The following CEP295 variants were observed in gnomAD, a reference collection of about 807,000 sequenced individuals.
CEP295 encodes the protein centrosomal protein of 295 kDa.
Under a neutral mutation model 291.6 loss-of-function variants are expected in CEP295, and 190 were observed. The observed-to-expected ratio is 0.65, with a 90% confidence interval of 0.58 to 0.73. CEP295 has a LOEUF of 0.73. Among genes scored for constraint, CEP295 ranks in the 30% least tolerant of loss-of-function variants. The pLI is 0.00. For synonymous variants in CEP295, 993 were observed against 1,038.8 expected (o/e 0.96, Z 0.85); for missense variants, 2,863 against 2,949.4 (o/e 0.97, Z 0.68).
At chr11:93,690,144 G>T (rs1417955842) in intron 10 of CEP295, among the ~76,000 whole-genome samples, 1 of 152,192 alleles carries the variant, frequency 6.6e-6, no homozygotes, top group Non-Finnish European at 1.5e-5. Context: ...GGGCGCAGTG[G>T]CTCACACCTG....
rs954566674 is a variant in CEP295, at chr11:93,699,073, A to G, written c.4161A>G (p.Ile1387Met). 4.7e-5 allele frequency: 72 copies of G among 1,546,400 alleles called. No individual in the cohort carries two copies. Among genetic ancestry groups the G allele is most frequent in the Non-Finnish European group, 6.0e-5 (69 of 1,147,062 alleles). Reference sequence around the variant, plus strand: ...ATCAGAGTGAATGGGAGGGAAGAATATCTCCCGAGCAGGTTGACACCTCTT... The same window carrying G: ...ATCAGAGTGAATGGGAGGGAAGAATGTCTCCCGAGCAGGTTGACACCTCTT... ...LLHQSEWEGRISPEQVDTSSL... is the reference protein window; with the variant it reads ...LLHQSEWEGRMSPEQVDTSSL... Residue 1387 changes from isoleucine (I) to methionine (M), a missense_variant, in exon 15 of 30, where the codon ATA becomes ATG. This residue lies in a region of CEP295 where 2,295 missense variants were observed against 2,335.7 expected (regional missense o/e 0.98). Coordinates refer to ENST00000325212, the MANE Select transcript of CEP295 (RefSeq NM_033395.2).
chr11:93,712,856 T>TTTGTTGTTGTTG lies in CEP295; in HGVS notation c.5749+5986_5749+5997dup, dbSNP rs56969423. 1.1e-3 allele frequency among the ~76,000 whole-genome samples: 161 copies of TTTGTTGTTGTTG among 148,884 alleles called. 2 individuals carry two copies. Among genetic ancestry groups the TTTGTTGTTGTTG allele is most frequent in the Admixed American group, 2.3e-3 (35 of 14,956 alleles). On this transcript the variant is annotated intron_variant, in intron 18 of 29. Transcript: ENST00000325212. ...CTCTTCCTACTTTTCTTTCTTCTGTTTTGTTGTTGTTGTTGTTGTTGTTGT... is the reference window on the plus strand; with the variant it reads ...CTCTTCCTACTTTTCTTTCTTCTGTTTTGTTGTTGTTGTTGTTGTTGTTGTTGTTGTTGTTGT...
At chr11:93,665,219 T>G (rs968922140) in intron 1 of CEP295, among the ~76,000 whole-genome samples, 7 of 152,232 alleles carry the variant, frequency 4.6e-5, no homozygotes, top group African/African-American at 1.7e-4. Context: ...CATGTACTCA[T>G]GTAAAGTGTC....
intron 18 of CEP295, among the ~76,000 whole-genome samples, chr11:93,713,803 C>T (rs1393397091): frequency 6.6e-6 from 1 of 152,120 alleles, no homozygotes; most frequent in Non-Finnish European, 1.5e-5. Context: ...TAGATTTACC[C>T]TTTTAAAGCT....
chr11:93,671,730 T>C (rs1950458549), intron 5 of CEP295, among the ~76,000 whole-genome samples: 1 of 152,092 alleles, frequency 6.6e-6, no homozygotes, highest in Non-Finnish European at 1.5e-5. Context: ...GGATTTTAGT[T>C]TGGGAAAAGC....
Position 93,666,754 on chromosome 11 carries a change from A to G in CEP295, c.47A>G (p.Asn16Ser). The change falls in exon 2 of 30, where the codon AAT (asparagine) becomes AGT (serine). Residue 16 changes from asparagine (N) to serine (S), a missense_variant. Around this residue, in one of 3 missense-constraint regions of CEP295, gnomAD observed 554 missense variants for 576.0 expected, o/e 0.96. Transcript: ENST00000325212. ...VNTHKLRLSP[N>S]EEAFILKEDY... ...ACTCACAAGCTGAGATTGAGTCCTA[A>G]TGAGGAAGCCTTCATTTTGAAGGAA... 2 of 1,549,214 alleles carry G rather than the reference A, an allele frequency of 1.3e-6. No homozygotes were observed. Among genetic ancestry groups the G allele is most frequent in the South Asian group, 1.2e-5 (1 of 83,938 alleles).
chr11:93,672,178 G>C (rs1366080803), intron 5 of CEP295, among the ~76,000 whole-genome samples: 1 of 152,148 alleles, frequency 6.6e-6, no homozygotes, highest in Admixed American at 6.6e-5. Flanking sequence ...TAAAGCTCAT[G>C]ATCTTTTTAC....
chr11:93,678,665 C>T (rs185513472), intron 6 of CEP295, among the ~76,000 whole-genome samples: 213 of 152,152 alleles, frequency 1.4e-3, no homozygotes, highest in African/African-American at 4.8e-3. Context: ...TGGTAGCTTA[C>T]GCCTGTAATC....
rs1192902024 is a variant in CEP295, at chr11:93,722,006, G to A, written c.5903G>A (p.Ser1968Asn). 8 of 1,573,354 alleles carry A rather than the reference G, an allele frequency of 5.1e-6. No homozygotes were observed. In the African/African-American group the frequency reaches 1.1e-4, roughly 21 times the overall value. ...TCTTCAGCAACTGTTTCCACTGGGAGCCTTTTAAGTTATGAAAACACAGAT... is the reference window on the plus strand; with the variant it reads ...TCTTCAGCAACTGTTTCCACTGGGAACCTTTTAAGTTATGAAAACACAGAT... Reference protein sequence around the residue: ...PLSSATVSTGSLLSYENTDLS... With the variant: ...PLSSATVSTGNLLSYENTDLS... The change falls in exon 20 of 30, where the codon AGC becomes AAC. Residue 1968 changes from serine to asparagine, a missense_variant. Physicochemically the swap from Ser to Asn is conservative, Grantham distance 46. Transcript: ENST00000325212.
chr11:93,725,933 C>A, intron 23 of CEP295, 102 bp downstream of exon 23: 2 of 844,214 alleles, frequency 2.4e-6, no homozygotes, highest in Non-Finnish European at 3.7e-6. Flanking sequence ...TTCACCCCTG[C>A]TCTCACCCCT....
At chr11:93,707,772 A>T (rs1324247083) in intron 18 of CEP295, among the ~76,000 whole-genome samples, 3 of 151,870 alleles carry the variant, frequency 2.0e-5, no homozygotes, top group East Asian at 3.9e-4. Flanking sequence ...AAAAAAGAAG[A>T]AGTTACATTT....
chr11:93,665,363 G>C (rs1256657844), intron 1 of CEP295, among the ~76,000 whole-genome samples: 1 of 152,164 alleles, frequency 6.6e-6, no homozygotes, highest in Non-Finnish European at 1.5e-5. Flanking sequence ...ATAGGAGCAT[G>C]TTATAATCTA....
intron 6 of CEP295, among the ~76,000 whole-genome samples, chr11:93,677,371 T>TTGTG (rs772364976): frequency 2.6e-5 from 4 of 152,046 alleles, no homozygotes; most frequent in African/African-American, 9.6e-5. Flanking sequence ...AGAGCTGCTA[T>TTGTG]TGTGTGTGTG....
chr11:93,727,490 T>C lies in CEP295; in HGVS notation c.7014T>C (p.Tyr2338=). ...TGGGAACTTCAATTCAGGCACCATATTCCTTAACTACTCAAAATGAAAAAT... is the reference window on the plus strand; with the variant it reads ...TGGGAACTTCAATTCAGGCACCATACTCCTTAACTACTCAAAATGAAAAAT... The part of the protein sequence containing the change: ...VEMGTSIQAP[Y]SLTTQNEKYF... The change falls in exon 24 of 30, where the codon TAT becomes TAC. Residue 2338 remains tyrosine, a synonymous_variant. Transcript: ENST00000325212. 5 of 1,551,982 alleles carry C rather than the reference T, an allele frequency of 3.2e-6. No homozygotes were observed. The highest frequency in any genetic ancestry group is 4.4e-6 in the Non-Finnish European group (5 of 1,147,028).
intron 18 of CEP295, among the ~76,000 whole-genome samples, chr11:93,718,796 C>T (rs1953461382): frequency 6.6e-6 from 1 of 151,846 alleles, no homozygotes; most frequent in Admixed American, 6.6e-5. Flanking sequence ...ACCCTGTCAT[C>T]CAAAAAATAT....
chr11:93,680,321 A>C lies in CEP295; in HGVS notation c.765+769A>C, dbSNP rs565745184. Among the ~76,000 whole-genome samples the C allele has an allele frequency of 1.8e-4, 27 of 152,290 alleles. No homozygotes were observed. The South Asian group carries it at 5.4e-3, about 30-fold the overall frequency. ...AAAAAGTGACTGTCAAGTCCAGTCG[A>C]GGTAGCTCAGGCCTGTCTCAGGCCT... On this transcript the variant is annotated intron_variant, in intron 7 of 29. Transcript: ENST00000325212.
intron 15 of CEP295, among the ~76,000 whole-genome samples, chr11:93,701,727 C>T (rs958641685): frequency 6.6e-6 from 1 of 151,988 alleles, no homozygotes; most frequent in Non-Finnish European, 1.5e-5. Context: ...CCTCAGCCTC[C>T]CGGGTAGCTG....
rs1951077583 is a variant in CEP295, at chr11:93,683,531, T to G, written c.766-28T>G. 2.7e-6 allele frequency: 4 copies of G among 1,469,278 alleles called. No homozygotes were observed. The South Asian group carries it at 5.6e-5, about 21-fold the overall frequency. The allele number at this position is 1,469,278 out of a possible 1,614,324, so 91.0% of individuals were successfully genotyped here. ...TTACCATACAAAGTTTGTGACTCAGTTTTTGTTAATTCTCTTTATTCTTGA... is the reference window on the plus strand; with the variant it reads ...TTACCATACAAAGTTTGTGACTCAGGTTTTGTTAATTCTCTTTATTCTTGA... On this transcript the variant is annotated intron_variant, in intron 7 of 29. Coordinates refer to ENST00000325212, the MANE Select transcript of CEP295 (RefSeq NM_033395.2).
At chr11:93,724,073 A>T in intron 21 of CEP295, 181 bp from the exon 22 acceptor site, 1 of 546,794 alleles carries the variant, frequency 1.8e-6, no homozygotes, top group East Asian at 3.3e-5. Flanking sequence ...TCATGATAGG[A>T]CTTAACTTTA....
Sources: allele counts gnomAD v4.1 joint callset (sites outside exome capture counted in the v4.1 genomes callset), GRCh38; gene constraint gnomAD v4.1.1; regional missense constraint gnomAD v4.1.1; transcripts MANE v1.5; gene names NCBI Gene and HGNC (gene_info 2026-07-23, HGNC 2026-07-21).